LTBP1: variants seen among roughly 807,000 people sequenced by gnomAD.
The protein encoded by LTBP1 is latent-transforming growth factor beta-binding protein 1.
A neutral mutation model predicts 207.6 loss-of-function variants in LTBP1; 129 were observed. The ratio of observed to expected loss-of-function variants is 0.62; its 90% CI spans 0.54 to 0.72. LTBP1 has a LOEUF of 0.72. LTBP1 is among the 30% of genes least tolerant of loss of function. The pLI, the probability that LTBP1 is intolerant of heterozygous loss-of-function variation, is 0.00. For missense variants in LTBP1, 2,281 were observed against 2,217.2 expected (o/e 1.03, Z -0.58); for synonymous variants, 963 against 833.7 (o/e 1.16, Z -2.67).
In LTBP1 at chr2:33,274,976, T is replaced by C. The variant is rs1573557116; in HGVS notation, c.2755T>C (p.Cys919Arg). The change falls in exon 17 of 34, where the codon TGT becomes CGT. Residue 919 changes from cysteine to arginine, a missense_variant. Around this residue, in one of 3 missense-constraint regions of LTBP1, gnomAD observed 1,671 missense variants for 1,634.8 expected, o/e 1.02. Coordinates refer to ENST00000404816, the MANE Select transcript of LTBP1 (RefSeq NM_206943.4). The part of the protein sequence containing the change: ...QQRKCVDIDE[C>R]TQVQHLCSQG... ...ATTTTTGTTAACAGATATTGATGAG[T>C]GTACTCAGGTCCAACACCTCTGCTC... is the stretch of plus-strand genomic sequence containing the variant. 6.2e-7 allele frequency: 1 copy of C among 1,613,974 alleles called. No homozygotes were observed. The highest frequency in any genetic ancestry group is 1.3e-5 in the African/African-American group (1 of 75,014).
chr2:32,974,375 G>A (rs895812541), intron 2 of LTBP1, among the ~76,000 whole-genome samples: 1 of 152,114 alleles, frequency 6.6e-6, no homozygotes, highest in African/African-American at 2.4e-5. Flanking sequence ...GTTGGAATTT[G>A]TATGTCTTCT....
At chr2:33,205,500 G>A (rs1282626312) in intron 7 of LTBP1, among the ~76,000 whole-genome samples, 1 of 152,200 alleles carries the variant, frequency 6.6e-6, no homozygotes, top group African/African-American at 2.4e-5. Flanking sequence ...TGTTAGAGGT[G>A]AGCAGAGGAC....
chr2:33,188,045 A>G (rs1281256391), intron 6 of LTBP1, among the ~76,000 whole-genome samples: 1 of 152,238 alleles, frequency 6.6e-6, no homozygotes, highest in East Asian at 1.9e-4. Flanking sequence ...TACTGTTAAA[A>G]GTTTTAATTT....
intron 3 of LTBP1, among the ~76,000 whole-genome samples, chr2:33,076,109 G>A (rs2149802792): frequency 6.6e-6 from 1 of 152,298 alleles, no homozygotes; most frequent in East Asian, 1.9e-4. Flanking sequence ...AGTGATTGAG[G>A]TATAAGTCTC....
At chr2:33,125,918 A>T (rs934277800) in intron 4 of LTBP1, among the ~76,000 whole-genome samples, 1 of 152,128 alleles carries the variant, frequency 6.6e-6, no homozygotes, top group African/African-American at 2.4e-5. Flanking sequence ...ATTTAGAGGG[A>T]CCTCAGTTGG....
At chr2:33,036,468 C>CT (rs2075927793) in intron 3 of LTBP1, among the ~76,000 whole-genome samples, 1 of 128,800 alleles carries the variant, frequency 7.8e-6, no homozygotes. Flanking sequence ...TTTTTTTTTT[C>CT]TTTTTTTGAG....
intron 3 of LTBP1, among the ~76,000 whole-genome samples, chr2:33,092,491 T>C (rs2079156974): frequency 6.6e-6 from 1 of 152,232 alleles, no homozygotes; most frequent in Non-Finnish European, 1.5e-5. Context: ...AAATAGGTGT[T>C]GACAACTCCA....
rs1186539607 is a variant in LTBP1 at position 32,947,748 on chromosome 2, A to G, written c.424A>G (p.Lys142Glu). The change falls in exon 1 of 34, where the codon AAG (lysine) becomes GAG (glutamate). Residue 142 changes from lysine (K) to glutamate (E), a missense_variant. Around this residue, in one of 3 missense-constraint regions of LTBP1, gnomAD observed 555 missense variants for 491.0 expected, o/e 1.13. Coordinates refer to ENST00000404816, the MANE Select transcript of LTBP1 (RefSeq NM_206943.4). ...ACAAGGCAGGCAAGTTGTGCGCTCCAAGGTGCCGCAGGAGACCCAGAGCGG... is the reference window on the plus strand; with the variant it reads ...ACAAGGCAGGCAAGTTGTGCGCTCCGAGGTGCCGCAGGAGACCCAGAGCGG... ...TKQGRQVVRS[K>E]VPQETQSGGG... 3 of 1,534,418 alleles carry G rather than the reference A, an allele frequency of 2.0e-6. No homozygotes were observed. Among genetic ancestry groups the G allele is most frequent in the East Asian group, 2.7e-5 (1 of 36,882 alleles).
intron 9 of LTBP1, among the ~76,000 whole-genome samples, chr2:33,228,809 C>T (rs1017289692): frequency 6.7e-6 from 1 of 149,492 alleles, no homozygotes; most frequent in Non-Finnish European, 1.5e-5. Flanking sequence ...AAGCGATTCC[C>T]CTGCCTCGGC....
intron 3 of LTBP1, among the ~76,000 whole-genome samples, chr2:33,102,823 C>T (rs2079814914): frequency 6.6e-6 from 1 of 152,070 alleles, no homozygotes; most frequent in Non-Finnish European, 1.5e-5. Context: ...AAGCTGTACG[C>T]ATTGTCTGTA....
At chr2:33,149,220 CAAAAAAACAAAAAAAAAA>C (rs2083301515) in intron 5 of LTBP1, among the ~76,000 whole-genome samples, 1 of 15,166 alleles carries the variant, frequency 6.6e-5, no homozygotes, top group Non-Finnish European at 1.4e-4. Context: ...GTCTCACTCA[CAAAAAAACAAAAAAAAAA>C]AAAAAAAAAA....
At chr2:33,026,696 A>T (rs1415805460) in intron 3 of LTBP1, among the ~76,000 whole-genome samples, 1 of 152,248 alleles carries the variant, frequency 6.6e-6, no homozygotes, top group Non-Finnish European at 1.5e-5. Context: ...TCAGTGCTCA[A>T]TTCATGACAC....
At chr2:33,095,730 G>C (rs1438769882) in intron 3 of LTBP1, among the ~76,000 whole-genome samples, 1 of 151,912 alleles carries the variant, frequency 6.6e-6, no homozygotes, top group Non-Finnish European at 1.5e-5. Context: ...CAAAAGATGG[G>C]GGAATTTTTA....
chr2:33,229,439 A>G (rs2091660042), intron 9 of LTBP1, among the ~76,000 whole-genome samples: 1 of 152,206 alleles, frequency 6.6e-6, no homozygotes, highest in African/African-American at 2.4e-5. Context: ...GTGCCACTGC[A>G]CTGAAGCCTG....
chr2:33,299,677 G>T (rs61217842), intron 20 of LTBP1, among the ~76,000 whole-genome samples: 3 of 152,052 alleles, frequency 2.0e-5, no homozygotes, highest in Middle Eastern at 3.2e-3. Context: ...TGCTTAGGTC[G>T]GACCAATATA....
intron 20 of LTBP1, among the ~76,000 whole-genome samples, chr2:33,294,871 C>T (rs2093845169): frequency 6.6e-6 from 1 of 151,782 alleles, no homozygotes. Flanking sequence ...GCCACCACGC[C>T]TGGCAAAAAT....
At chr2:33,283,251 C>G (rs975774511) in intron 19 of LTBP1, among the ~76,000 whole-genome samples, 1 of 151,850 alleles carries the variant, frequency 6.6e-6, no homozygotes, top group African/African-American at 2.4e-5. Flanking sequence ...TTAGAGATCC[C>G]TTGGTGGTCA....
At chr2:33,372,904 G>A (rs906762499) in intron 31 of LTBP1, among the ~76,000 whole-genome samples, 2 of 152,170 alleles carry the variant, frequency 1.3e-5, no homozygotes, top group Non-Finnish European at 2.9e-5. Flanking sequence ...GAAAATGTAC[G>A]TAAGAATCAC....
chr2:33,051,703 G>C (rs1183666050), intron 3 of LTBP1, among the ~76,000 whole-genome samples: 1 of 152,136 alleles, frequency 6.6e-6, no homozygotes, highest in Non-Finnish European at 1.5e-5. Flanking sequence ...AGTGTGCAGA[G>C]CTGCTCTGGG....
Sources: allele counts gnomAD v4.1 joint callset (sites outside exome capture counted in the v4.1 genomes callset), GRCh38; gene constraint gnomAD v4.1.1; regional missense constraint gnomAD v4.1.1; transcripts MANE v1.5; gene names NCBI Gene and HGNC (gene_info 2026-07-23, HGNC 2026-07-21).